HACD3: variants seen among roughly 807,000 people sequenced by gnomAD.
HACD3 encodes the protein 3-hydroxyacyl-CoA dehydratase 3.
Under a neutral mutation model 55.2 loss-of-function variants are expected in HACD3, and 30 were observed. The observed-to-expected ratio is 0.54, with a 90% CI of 0.41 to 0.74. The LOEUF (loss-of-function observed/expected upper bound fraction) is 0.74, where lower values mean the gene tolerates loss of function less well. Ranked by LOEUF, HACD3 falls within the 30% of genes least tolerant of loss-of-function variation. HACD3 has a pLI of 0.00. For synonymous variants in HACD3, 141 were observed against 151.7 expected, an observed-to-expected ratio of 0.93 and a Z score of 0.52; for missense variants, 363 against 440.1, an observed-to-expected ratio of 0.82 and a Z score of 1.57.
chr15:65,537,221 A>T (rs75777899), intron 1 of HACD3, among the ~76,000 whole-genome samples: 1 of 152,338 alleles, frequency 6.6e-6, no homozygotes, highest in Non-Finnish European at 1.5e-5. Context: ...AGGTGAAGCT[A>T]CAAGTGCTGA....
rs2072334129 is a variant in HACD3, at chr15:65,570,155, C to G, written c.725C>G (p.Ala242Gly). Residue 242 changes from alanine to glycine, a missense_variant, in exon 8 of 11, where the codon GCT (alanine) becomes GGT (glycine). By Grantham distance (60) the Ala-to-Gly change is moderately conservative. Coordinates refer to ENST00000261875, the MANE Select transcript of HACD3 (RefSeq NM_016395.4). ...FGTMEEMQNK[A>G]VVFFVFYLWS... The stretch of plus-strand genomic sequence containing the variant: ...ACCATGGAAGAAATGCAGAACAAAG[C>G]TGTGGTTTTCTTTGTGTTTTATTTG... 1 of 1,612,922 alleles carries G rather than the reference C, an allele frequency of 6.2e-7. No individual in the cohort carries two copies. The highest frequency in any genetic ancestry group is 8.5e-7 in the Non-Finnish European group (1 of 1,179,286).
chr15:65,554,999 G>A (rs1172277482), intron 3 of HACD3, 39 bp downstream of exon 3: 1 of 1,461,724 alleles, frequency 6.8e-7, no homozygotes, highest in East Asian at 2.3e-5. Context: ...CCCATTTTAG[G>A]AAATGAATAC....
rs770395083 is a variant in HACD3 at position 65,551,704 on chromosome 15, T to G, written c.116T>G (p.Val39Gly). 4 of 1,614,000 alleles carry G rather than the reference T, an allele frequency of 2.5e-6. No individual in the cohort carries two copies. The highest frequency in any genetic ancestry group is 3.4e-6 in the Non-Finnish European group (4 of 1,179,870). The change falls in exon 2 of 11, where the codon GTG becomes GGG. Residue 39 changes from valine (V) to glycine (G), a missense_variant. By Grantham distance (109) the Val-to-Gly change is moderately radical. Coordinates refer to ENST00000261875, the MANE Select transcript of HACD3 (RefSeq NM_016395.4). ...CCTGCCATCAGCATCACTGAAAACG[T>G]GCTGCATTTCAAAGGTCAGTATCCC... ...QNPAISITEN[V>G]LHFKAQGHGA...
intron 1 of HACD3, chr15:65,531,406 T>C (rs988277190): frequency 6.6e-6 from 1 of 152,214 alleles, no homozygotes; most frequent in Non-Finnish European, 1.5e-5. Flanking sequence ...GCATTTCTGT[T>C]TGAGCTCCTT....
In HACD3 at chr15:65,563,422, A is replaced by G. The variant is rs1238963086; in HGVS notation, c.532+538A>G. Among the ~76,000 whole-genome samples, 20 of 152,178 alleles carry G rather than the reference A, an allele frequency of 1.3e-4. 1 individual carries two copies. Among genetic ancestry groups the G allele is most frequent in the Admixed American group, 1.3e-3 (20 of 15,278 alleles). On this transcript the variant is annotated intron_variant, in intron 6 of 10. Coordinates refer to ENST00000261875, the MANE Select transcript of HACD3 (RefSeq NM_016395.4). Reference sequence around the variant, plus strand: ...TGGGAAATTTTTGAGAATTTGATCTAAAGTATTCTGAAACTTTATTTGATG... The same window carrying G: ...TGGGAAATTTTTGAGAATTTGATCTGAAGTATTCTGAAACTTTATTTGATG...
rs2072412777 is a variant in HACD3, at chr15:65,577,257, C to G, written c.*878C>G. On this transcript the variant is annotated 3_prime_UTR_variant, in exon 11 of 11. Transcript: ENST00000261875. Reference sequence around the variant, plus strand: ...TTGGGCAACGTAGTGAGACCCCTATCTCTACAAAAAATAAAAAAATTAGCT... The same window carrying G: ...TTGGGCAACGTAGTGAGACCCCTATGTCTACAAAAAATAAAAAAATTAGCT... 1 of 152,092 alleles carries G rather than the reference C, an allele frequency of 6.6e-6. No individual in the cohort carries two copies. Among genetic ancestry groups the G allele is most frequent in the Non-Finnish European group, 1.5e-5 (1 of 68,042 alleles). 9.4% of individuals were successfully genotyped at this position (152,092 alleles called of 1,614,324 possible). A position where few individuals can be genotyped will look rare whatever the true frequency, so the allele number is the denominator to read the frequency against.
In HACD3 at chr15:65,576,381, AAG is replaced by A; in HGVS notation, c.*4_*5del. ...CAAAAAAAGAAAAAGATCCACTAAAAAGAAAGATTTAGATGGCTTCTTGCCAG... is the reference window on the plus strand; with the variant it reads ...CAAAAAAAGAAAAAGATCCACTAAAAAAAGATTTAGATGGCTTCTTGCCAG... On this transcript the variant is annotated 3_prime_UTR_variant, in exon 11 of 11. Coordinates refer to ENST00000261875, the MANE Select transcript of HACD3 (RefSeq NM_016395.4). 6.3e-7 allele frequency: 1 copy of A among 1,596,916 alleles called. No homozygotes were observed. The highest frequency in any genetic ancestry group is 8.5e-7 in the Non-Finnish European group (1 of 1,171,394).
At chr15:65,569,172 C>G (rs903938307) in intron 7 of HACD3, among the ~76,000 whole-genome samples, 2 of 148,770 alleles carry the variant, frequency 1.3e-5, no homozygotes, top group East Asian at 2.0e-4. Flanking sequence ...GGCATGAACC[C>G]GGGAGGCGGA....
At chr15:65,575,634 T>C (rs1302908664) in intron 10 of HACD3, among the ~76,000 whole-genome samples, 5 of 152,294 alleles carry the variant, frequency 3.3e-5, no homozygotes, top group Non-Finnish European at 1.5e-5. Context: ...TATTGATATC[T>C]GCAACTTAAC....
chr15:65,577,422 TCAAAC>T lies in HACD3; in HGVS notation c.*1056_*1060del, dbSNP rs759666424. On this transcript the variant is annotated 3_prime_UTR_variant, in exon 11 of 11. Transcript: ENST00000261875. ...TGGGGTGACAGTGCAAGACCCTGTC[TCAAAC>T]CAAACCAAACCACACACACACAAAC... The T allele has an allele frequency of 1.2e-4, 19 of 152,240 alleles. No individual in the cohort carries two copies. Among genetic ancestry groups the T allele is most frequent in the South Asian group, 4.2e-4 (2 of 4,814 alleles). 9.4% of individuals were successfully genotyped at this position (152,240 alleles called of 1,614,324 possible). A position where few individuals can be genotyped will look rare whatever the true frequency, so the allele number is the denominator to read the frequency against.
intron 1 of HACD3, chr15:65,535,699 T>TTC: frequency 5.8e-6 from 1 of 172,332 alleles, no homozygotes. Flanking sequence ...TGATGTTAAC[T>TTC]TTTTTTTTTT....
intron 1 of HACD3, among the ~76,000 whole-genome samples, chr15:65,541,782 C>G (rs2072021227): frequency 6.6e-6 from 1 of 152,010 alleles, no homozygotes; most frequent in Non-Finnish European, 1.5e-5. Context: ...ATGATACAAA[C>G]TTTTACATAC....
At chr15:65,573,937 CTT>C (rs1213942800) in intron 10 of HACD3, among the ~76,000 whole-genome samples, 2 of 152,134 alleles carry the variant, frequency 1.3e-5, no homozygotes, top group Non-Finnish European at 2.9e-5. Flanking sequence ...TATAAGGACT[CTT>C]TAAAGTTCTG....
intron 1 of HACD3, among the ~76,000 whole-genome samples, chr15:65,549,599 C>CAAAA (rs5813363): frequency 1.1e-3 from 48 of 42,462 alleles, no homozygotes; most frequent in African/African-American, 3.2e-3. Context: ...GATTCCATCT[C>CAAAA]AAAAAAAAAA....
At chr15:65,536,761 A>C (rs1019309889) in intron 1 of HACD3, among the ~76,000 whole-genome samples, 3 of 152,088 alleles carry the variant, frequency 2.0e-5, no homozygotes, top group Non-Finnish European at 4.4e-5. Flanking sequence ...AAAACAAAAC[A>C]AACAAACAAG....
chr15:65,544,939 T>C (rs62013106), intron 1 of HACD3, among the ~76,000 whole-genome samples: 31,385 of 151,508 alleles, frequency 0.21, 3,646 homozygotes, highest in African/African-American at 0.31. Flanking sequence ...GAGAATTGCT[T>C]GAACCCGGGA....
intron 7 of HACD3, chr15:65,566,443 G>C (rs1242515670): frequency 6.4e-6 from 1 of 157,298 alleles, no homozygotes; most frequent in Non-Finnish European, 1.4e-5. Flanking sequence ...TCTCACAATT[G>C]TGGTGCAGGG....
rs1333319190 is a variant in HACD3, at chr15:65,530,625, T to C, written c.-7T>C. 21 of 1,571,582 alleles carry C rather than the reference T, an allele frequency of 1.3e-5. No homozygotes were observed. The highest frequency in any genetic ancestry group is 1.9e-5 in the Admixed American group (1 of 53,898). The stretch of plus-strand genomic sequence containing the variant: ...CCTAGCCTCCCCGCGCCCTGGGCAG[T>C]GTGGCCATGGAGAATCAGGTGTTGA... On this transcript the variant is annotated 5_prime_UTR_variant, in exon 1 of 11. Coordinates refer to ENST00000261875, the MANE Select transcript of HACD3 (RefSeq NM_016395.4).
chr15:65,533,106 C>G (rs932544501), intron 1 of HACD3, among the ~76,000 whole-genome samples: 2 of 152,186 alleles, frequency 1.3e-5, no homozygotes, highest in African/African-American at 4.8e-5. Flanking sequence ...GACTTTTAGA[C>G]ACTTGTAATC....
Sources: gnomAD v4.1 joint callset for allele counts (sites outside exome capture counted in the v4.1 genomes callset) on GRCh38, gnomAD v4.1.1 for gene constraint, MANE v1.5 for transcripts, NCBI Gene and HGNC (gene_info 2026-07-23, HGNC 2026-07-21) for gene names.